MYH10: variants seen among roughly 807,000 people sequenced by gnomAD.
The protein encoded by MYH10 is myosin heavy chain 10.
MYH10 carries 55 observed loss-of-function variants against 257.8 expected under a neutral mutation model. The observed-to-expected ratio is 0.21, with a 90% CI of 0.17 to 0.27. The LOEUF (loss-of-function observed/expected upper bound fraction) is 0.27. MYH10 is among the 10% of genes least tolerant of loss of function. The pLI is 1.00. For synonymous variants in MYH10, 854 were observed against 921.7 expected, an observed-to-expected ratio of 0.93 and a Z score of 1.33; for missense variants, 1,631 against 2,500.6, an observed-to-expected ratio of 0.65 and a Z score of 7.42.
intron 17 of MYH10, among the ~76,000 whole-genome samples, chr17:8,523,097 C>T (rs532279294): frequency 6.6e-6 from 1 of 152,152 alleles, no homozygotes; most frequent in Non-Finnish European, 1.5e-5. Context: ...GACACTGGCC[C>T]TCTGCTTTTC....
intron 6 of MYH10, among the ~76,000 whole-genome samples, chr17:8,571,529 T>C (rs552536578): frequency 3.9e-5 from 6 of 152,124 alleles, no homozygotes; most frequent in African/African-American, 1.4e-4. Flanking sequence ...ATGCCTGTAA[T>C]CCCAAAACTT....
intron 1 of MYH10, among the ~76,000 whole-genome samples, chr17:8,625,430 G>C (rs1054670781): frequency 2.7e-4 from 41 of 152,074 alleles, no homozygotes; most frequent in African/African-American, 9.9e-4. Context: ...AGATTGCTGG[G>C]CTCTATCCCA....
intron 17 of MYH10, among the ~76,000 whole-genome samples, chr17:8,525,375 T>C (rs750273561): frequency 3.3e-5 from 5 of 152,222 alleles, no homozygotes; most frequent in South Asian, 4.1e-4. Context: ...GCATCTTACA[T>C]ACTCAGGGCC....
At chr17:8,616,057 G>A (rs1285472145) in intron 2 of MYH10, among the ~76,000 whole-genome samples, 1 of 152,212 alleles carries the variant, frequency 6.6e-6, no homozygotes, top group Non-Finnish European at 1.5e-5. Context: ...GCTGAGGCAG[G>A]CGGATTGCTT....
intron 2 of MYH10, among the ~76,000 whole-genome samples, chr17:8,607,599 C>G (rs574831535): frequency 8.5e-5 from 13 of 152,284 alleles, no homozygotes; most frequent in African/African-American, 3.1e-4. Flanking sequence ...CTTGTATAAA[C>G]TGATCACTGA....
At chr17:8,598,305 A>G (rs1220870951) in intron 3 of MYH10, among the ~76,000 whole-genome samples, 1 of 152,110 alleles carries the variant, frequency 6.6e-6, no homozygotes, top group African/African-American at 2.4e-5. Context: ...ATGGTGTTCT[A>G]TATACTCTTT....
intron 7 of MYH10, chr17:8,554,355 C>A (rs2082724409): frequency 6.3e-6 from 1 of 159,516 alleles, no homozygotes. Flanking sequence ...CCACTCTATC[C>A]AGCACTATAA....
chr17:8,525,895 C>T (rs1337827413), intron 17 of MYH10, among the ~76,000 whole-genome samples: 1 of 152,154 alleles, frequency 6.6e-6, no homozygotes, highest in African/African-American at 2.4e-5. Context: ...TGGGTTCAAG[C>T]AATTCTCCTG....
intron 24 of MYH10, among the ~76,000 whole-genome samples, chr17:8,511,849 C>T (rs928146623): frequency 1.3e-5 from 2 of 152,156 alleles, no homozygotes; most frequent in African/African-American, 4.8e-5. Context: ...TGAAGCAAAT[C>T]CCAGACATCA....
chr17:8,554,073 G>A (rs2082716867), intron 7 of MYH10, 55 bp from the exon 8 acceptor site: 1 of 1,211,250 alleles, frequency 8.3e-7, no homozygotes, highest in South Asian at 1.2e-5. Flanking sequence ...TACTGGATAT[G>A]AACACTAATA....
intron 24 of MYH10, among the ~76,000 whole-genome samples, chr17:8,511,687 T>C (rs1431468350): frequency 2.6e-5 from 4 of 152,220 alleles, no homozygotes; most frequent in African/African-American, 9.6e-5. Flanking sequence ...ATGAGTGTTT[T>C]CTTGTAAAAA....
chr17:8,572,750 C>T (rs2083390401), intron 6 of MYH10, among the ~76,000 whole-genome samples: 1 of 152,118 alleles, frequency 6.6e-6, no homozygotes, highest in South Asian at 2.1e-4. Context: ...TTGATAGTGT[C>T]ATGGTATCAC....
At chr17:8,596,153 CTTT>C (rs11347837) in intron 3 of MYH10, among the ~76,000 whole-genome samples, 30 of 110,396 alleles carry the variant, frequency 2.7e-4, no homozygotes, top group Non-Finnish European at 3.4e-4. Context: ...TATTTTCTGA[CTTT>C]TTTTTTTTTT....
At chr17:8,539,026 A>C (rs2151940373) in intron 14 of MYH10, among the ~76,000 whole-genome samples, 1 of 152,238 alleles carries the variant, frequency 6.6e-6, no homozygotes, top group South Asian at 2.1e-4. Context: ...CGGGTCTGTC[A>C]TAAAAAAGCC....
chr17:8,527,687 G>C (rs2081893465), intron 17 of MYH10, among the ~76,000 whole-genome samples: 1 of 152,142 alleles, frequency 6.6e-6, no homozygotes, highest in Non-Finnish European at 1.5e-5. Context: ...ACACATTCAG[G>C]CACTCCCCAT....
At position 8,495,470 on chromosome 17, in the gene MYH10, GAA is replaced by G. The variant is rs141654089; in HGVS notation, c.3952-231_3952-230del. On this transcript the variant is annotated intron_variant, in intron 30 of 42. Transcript: ENST00000360416. ...GGCCACCTTAATAGTCTCTACCCAT[GAA>G]AAGGACAGGGGGCGGGGGGTCTCCT... Among the ~76,000 whole-genome samples, 156 of 152,166 alleles carry G rather than the reference GAA, an allele frequency of 1.0e-3. 1 individual carries two copies. The East Asian group carries it at 0.027, about 26-fold the overall frequency.
Position 8,490,297 on chromosome 17 carries a change from G to A in MYH10, c.4884+43C>T, listed in dbSNP as rs764353780. The A allele has an allele frequency of 3.2e-6, 5 of 1,583,820 alleles. No homozygotes were observed. The highest frequency in any genetic ancestry group is 3.3e-5 in the Admixed American group (2 of 59,952). On this transcript the variant is annotated intron_variant, in intron 35 of 42. Transcript: ENST00000360416. The surrounding 1 kb of genome is among the most constrained non-coding windows in gnomAD (Gnocchi z 4.1). ...ATACTGACCCAGAGCTGGGCTTTGA[G>A]AGCCTGCACCCCTTGTTGTGGAGGC...
intron 7 of MYH10, among the ~76,000 whole-genome samples, chr17:8,555,274 T>C (rs1001471207): frequency 1.3e-5 from 2 of 152,190 alleles, no homozygotes; most frequent in Non-Finnish European, 2.9e-5. Flanking sequence ...AGGGCTTCCT[T>C]TGAGGAAACT....
intron 17 of MYH10, among the ~76,000 whole-genome samples, chr17:8,526,044 G>T (rs1381616538): frequency 6.6e-6 from 1 of 152,176 alleles, no homozygotes; most frequent in Non-Finnish European, 1.5e-5. Flanking sequence ...GCCCGCCTTG[G>T]CCTCTCAAAG....
Sources: allele counts gnomAD v4.1 joint callset (sites outside exome capture counted in the v4.1 genomes callset), GRCh38; gene constraint gnomAD v4.1.1; non-coding constraint Gnocchi (gnomAD v3.1); transcripts MANE v1.5; gene names NCBI Gene and HGNC (gene_info 2026-07-23, HGNC 2026-07-21).